SRGAP2: variants seen among roughly 807,000 people sequenced by gnomAD.
SRGAP2 encodes SLIT-ROBO Rho GTPase-activating protein 2.
In SRGAP2, 15 loss-of-function variants were observed where a neutral mutation model predicts 57.2. The observed-to-expected ratio is 0.26, with a 90% CI of 0.18 to 0.40. The LOEUF (loss-of-function observed/expected upper bound fraction) is 0.40, where lower values mean the gene tolerates loss of function less well. Among genes scored for constraint, SRGAP2 ranks in the 10% least tolerant of loss-of-function variants. The probability of loss-of-function intolerance (pLI) is 1.00; values close to 1 mark genes in which losing one functional copy is unlikely to be tolerated. For synonymous variants in SRGAP2, 249 were observed against 248.0 expected (o/e 1.00, Z -0.04); for missense variants, 520 against 669.6 (o/e 0.78, Z 2.47).
At chr1:206,208,551 C>T (rs1302744879) in intron 2 of SRGAP2, among the ~76,000 whole-genome samples, 10 of 152,116 alleles carry the variant, frequency 6.6e-5, no homozygotes, top group African/African-American at 2.4e-4. Flanking sequence ...TGGTGATTGG[C>T]CATACAGCTG....
intron 2 of SRGAP2, among the ~76,000 whole-genome samples, chr1:206,234,520 C>G (rs1478026998): frequency 1.3e-5 from 2 of 152,196 alleles, no homozygotes; most frequent in African/African-American, 4.8e-5. Flanking sequence ...TCTTCTTTCC[C>G]CTACAGGGGC....
chr1:206,372,928 TTTC>T (rs1654695376), intron 4 of SRGAP2, among the ~76,000 whole-genome samples: 2 of 7,454 alleles, frequency 2.7e-4, no homozygotes, highest in African/African-American at 3.9e-3. Flanking sequence ...TCTTTCTTTC[TTTC>T]TTTCTTTCTT....
chr1:206,436,959 T>A lies in SRGAP2; in HGVS notation c.1556-6T>A, dbSNP rs1183088183. On this transcript the variant is annotated splice_region_variant and splice_polypyrimidine_tract_variant and intron_variant, in intron 14 of 22. Transcript: ENST00000573034. Reference sequence around the variant, plus strand: ...TCTTCTTGATCACTTTTCTGTGTATTTCCAGGACTACAGCATGAAGGAATT... The same window carrying A: ...TCTTCTTGATCACTTTTCTGTGTATATCCAGGACTACAGCATGAAGGAATT... 1.3e-6 allele frequency: 1 copy of A among 780,762 alleles called. No homozygotes were observed. The highest frequency in any genetic ancestry group is 2.4e-6 in the Non-Finnish European group (1 of 417,864). The allele number at this position is 780,762 out of a possible 1,614,324, so 48.4% of individuals were successfully genotyped here. A position where few individuals can be genotyped will look rare whatever the true frequency, so the allele number is the denominator to read the frequency against.
chr1:206,455,294 G>T, intron 21 of SRGAP2: 1 of 487,594 alleles, frequency 2.1e-6, no homozygotes, highest in Non-Finnish European at 3.7e-6. Flanking sequence ...TGTCCACCCA[G>T]ACCTTTGTGG....
chr1:206,450,621 G>A (rs896633693), intron 19 of SRGAP2, among the ~76,000 whole-genome samples, 156 bp downstream of exon 19: 2 of 152,122 alleles, frequency 1.3e-5, no homozygotes, highest in East Asian at 1.9e-4. Context: ...TCCTTCCTTG[G>A]AGAGGTAGCC....
chr1:206,394,438 T>C (rs1657368224), intron 7 of SRGAP2, among the ~76,000 whole-genome samples: 1 of 152,200 alleles, frequency 6.6e-6, no homozygotes, highest in Non-Finnish European at 1.5e-5. Context: ...TACAATGCCA[T>C]CCCTTATATT....
At chr1:206,451,974 C>T (rs1553376111) in intron 19 of SRGAP2, among the ~76,000 whole-genome samples, 1 of 152,202 alleles carries the variant, frequency 6.6e-6, no homozygotes, top group African/African-American at 2.4e-5. Context: ...CTCTCTGCTT[C>T]CCAGAATAGC....
rs573163666 is a variant in SRGAP2 at position 206,321,803 on chromosome 1, G to A, written c.260+18330G>A. Among the ~76,000 whole-genome samples the A allele has an allele frequency of 4.3e-4, 65 of 152,050 alleles. 1 individual carries two copies. Among genetic ancestry groups the A allele is most frequent in the Admixed American group, 5.9e-4 (9 of 15,272 alleles). On this transcript the variant is annotated intron_variant, in intron 3 of 22. Coordinates refer to ENST00000573034, the MANE Select transcript of SRGAP2 (RefSeq NM_015326.5). ...TGTGTCTTATTGATATGTCCCCATC[G>A]TTCTTTGAGCACTTCCTTACTTTAT...
chr1:206,290,480 C>G (rs1272557600), intron 2 of SRGAP2, among the ~76,000 whole-genome samples: 1 of 151,454 alleles, frequency 6.6e-6, no homozygotes, highest in Admixed American at 6.6e-5. Flanking sequence ...AACTTTGTCT[C>G]TATACAAAAA....
chr1:206,415,119 T>A (rs1659574107), intron 10 of SRGAP2, among the ~76,000 whole-genome samples: 1 of 152,186 alleles, frequency 6.6e-6, no homozygotes, highest in South Asian at 2.1e-4. Flanking sequence ...TGATGATAGT[T>A]CCTAGGGTTG....
intron 7 of SRGAP2, among the ~76,000 whole-genome samples, chr1:206,397,639 C>T (rs1657724526): frequency 6.8e-6 from 1 of 146,244 alleles, no homozygotes; most frequent in Non-Finnish European, 1.5e-5. Context: ...GAAACCTTGA[C>T]TTCAGGCCAA....
At position 206,454,260 on chromosome 1, in the gene SRGAP2, C is replaced by A; in HGVS notation, c.2361-618C>A. 1 of 693,522 alleles carries A rather than the reference C, an allele frequency of 1.4e-6. No homozygotes were observed. Among genetic ancestry groups the A allele is most frequent in the South Asian group, 1.5e-5 (1 of 66,290 alleles). 43.0% of individuals were successfully genotyped at this position (693,522 alleles called of 1,614,324 possible). A position where few individuals can be genotyped will look rare whatever the true frequency, so the allele number is the denominator to read the frequency against. On this transcript the variant is annotated intron_variant, in intron 20 of 22. Transcript: ENST00000573034. This position sits in a 1 kb window ranked among gnomAD's most constrained non-coding sequence, Gnocchi z 4.3. ...GGTGGCAATCTGTGCGTGGACAGGA[C>A]CCTCCCAAATTTAGCATTATGACTT...
At chr1:206,225,438 C>T (rs1318978444) in intron 2 of SRGAP2, among the ~76,000 whole-genome samples, 8 of 150,718 alleles carry the variant, frequency 5.3e-5, no homozygotes, top group African/African-American at 7.5e-5. Flanking sequence ...ACAGGGAGAA[C>T]GATGGTGGCA....
intron 17 of SRGAP2, among the ~76,000 whole-genome samples, chr1:206,440,687 C>T (rs78723656): frequency 0.013 from 1,946 of 148,444 alleles, 29 homozygotes; most frequent in African/African-American, 0.045. Flanking sequence ...AGCTGGGACC[C>T]AGGCGCATGC....
intron 2 of SRGAP2, among the ~76,000 whole-genome samples, chr1:206,277,197 C>T: frequency 7.0e-6 from 1 of 142,660 alleles, no homozygotes; most frequent in East Asian, 2.0e-4. Flanking sequence ...CTCTTTACGG[C>T]CAATAGTCAC....
Position 206,437,018 on chromosome 1 carries a change from G to A in SRGAP2, c.1609G>A (p.Asp537Asn). 1.3e-6 allele frequency: 1 copy of A among 780,722 alleles called. No homozygotes were observed. The highest frequency in any genetic ancestry group is 2.4e-6 in the Non-Finnish European group (1 of 417,888). The allele number at this position is 780,722 out of a possible 1,614,324, so 48.4% of individuals were successfully genotyped here. The part of the protein sequence containing the change: ...RVSGSQVEVN[D>N]IKNAFERGED... ...GTCAGGATCCCAGGTGGAAGTGAAT[G>A]ACATCAAAAATGCCTTTGAGAGAGG... The change falls in exon 15 of 23, where the codon GAC (aspartate) becomes AAC (asparagine). Residue 537 changes from aspartate (D) to asparagine (N), a missense_variant. Around this residue, in one of 5 missense-constraint regions of SRGAP2, gnomAD observed 478 missense variants for 373.6 expected, o/e 1.28. Transcript: ENST00000573034.
chr1:206,273,144 T>TG (rs1670225169), intron 2 of SRGAP2, among the ~76,000 whole-genome samples: 1 of 152,060 alleles, frequency 6.6e-6, no homozygotes, highest in Non-Finnish European at 1.5e-5. Context: ...GGCACACAGA[T>TG]GGTTGGAAGT....
At chr1:206,333,275 G>C (rs1226443741) in intron 3 of SRGAP2, 1 of 1,157,132 alleles carries the variant, frequency 8.6e-7, no homozygotes, top group Admixed American at 1.8e-5. Flanking sequence ...GCTGTAGACC[G>C]GAGCTGTTCC....
rs573707021 is a variant in SRGAP2 at position 206,387,076 on chromosome 1, A to T, written c.486+3000A>T. 5.7e-4 allele frequency among the ~76,000 whole-genome samples: 85 copies of T among 148,532 alleles called. 1 individual carries two copies. The highest frequency in any genetic ancestry group is 5.3e-3 in the Admixed American group (79 of 14,828). On this transcript the variant is annotated intron_variant, in intron 5 of 22. Transcript: ENST00000573034. ...AGGAGGCAGAGCTAGCAGTGAGCCAAGATCGTGCCACTGCACTCCAGCCTG... is the reference window on the plus strand; with the variant it reads ...AGGAGGCAGAGCTAGCAGTGAGCCATGATCGTGCCACTGCACTCCAGCCTG...
Sources: allele counts gnomAD v4.1 joint callset (sites outside exome capture counted in the v4.1 genomes callset), GRCh38; gene constraint gnomAD v4.1.1; regional missense constraint gnomAD v4.1.1; non-coding constraint Gnocchi (gnomAD v3.1); transcripts MANE v1.5; gene names NCBI Gene and HGNC (gene_info 2026-07-23, HGNC 2026-07-21).